FOXN3: variants seen among roughly 807,000 people sequenced by gnomAD.
FOXN3 encodes the protein forkhead box N3.
Under a neutral mutation model 38.4 loss-of-function variants are expected in FOXN3, and 7 were observed. The observed-to-expected ratio is 0.18, with a 90% CI of 0.10 to 0.34. FOXN3 has a LOEUF of 0.34. Among genes scored for constraint, FOXN3 ranks in the 10% least tolerant of loss-of-function variants. The pLI is 1.00. For missense variants in FOXN3, 456 were observed against 613.4 expected, an observed-to-expected ratio of 0.74 and a Z score of 2.71; for synonymous variants, 230 against 242.2, an observed-to-expected ratio of 0.95 and a Z score of 0.47.
At chr14:89,317,303 G>T (rs1170648229) in intron 3 of FOXN3, among the ~76,000 whole-genome samples, 1 of 152,174 alleles carries the variant, frequency 6.6e-6, no homozygotes, top group Non-Finnish European at 1.5e-5. Flanking sequence ...GCTCAGTGAT[G>T]CCAGCTTCAG....
At chr14:89,553,953 GA>G (rs890259425) in intron 1 of FOXN3, among the ~76,000 whole-genome samples, 120 of 151,490 alleles carry the variant, frequency 7.9e-4, no homozygotes, top group African/African-American at 2.9e-3. Context: ...AGGGTAGAAA[GA>G]AAAAAAAGAT....
At chr14:89,553,458 A>G (rs1895051873) in intron 1 of FOXN3, among the ~76,000 whole-genome samples, 1 of 152,032 alleles carries the variant, frequency 6.6e-6, no homozygotes, top group Admixed American at 6.6e-5. Context: ...GTGAAAAAAA[A>G]AAAAAGGGTA....
chr14:89,183,017 T>C (rs1431920771), intron 4 of FOXN3, among the ~76,000 whole-genome samples: 1 of 151,980 alleles, frequency 6.6e-6, no homozygotes, highest in Non-Finnish European at 1.5e-5. Context: ...CAGAAGAAAA[T>C]ATAGGAGGAA....
chr14:89,597,192 C>G (rs1344648875), intron 1 of FOXN3, among the ~76,000 whole-genome samples: 1 of 152,092 alleles, frequency 6.6e-6, no homozygotes, highest in Non-Finnish European at 1.5e-5. Flanking sequence ...CAAATATTTT[C>G]TACTTTCCAT....
intron 1 of FOXN3, among the ~76,000 whole-genome samples, chr14:89,438,450 C>T (rs946411990): frequency 1.3e-5 from 2 of 152,170 alleles, no homozygotes; most frequent in Admixed American, 1.3e-4. Flanking sequence ...TTTTTCTTAG[C>T]TATCAATAGT....
rs10581958 is a variant in FOXN3, at chr14:89,613,116, CAAAAAAAA to C, written c.-15+5904_-15+5911del. Among the ~76,000 whole-genome samples the C allele has an allele frequency of 2.0e-3, 150 of 74,598 alleles. 1 individual carries two copies. Among genetic ancestry groups the C allele is most frequent in the African/African-American group, 9.5e-3 (143 of 15,026 alleles). The allele number at this position is 74,598 out of a possible 152,430, so 48.9% of individuals were successfully genotyped here. On this transcript the variant is annotated intron_variant, in intron 1 of 6. Coordinates refer to the FOXN3 transcript ENST00000345097. ...TGGGCGACAGAGCAAGACTCTGTCTCAAAAAAAAAAAAAAAAAAAAAAAAACTCTTACA... is the reference window on the plus strand; with the variant it reads ...TGGGCGACAGAGCAAGACTCTGTCTCAAAAAAAAAAAAAAAAACTCTTACA...
chr14:89,339,869 C>CG (rs905247676), intron 3 of FOXN3, among the ~76,000 whole-genome samples: 45 of 152,308 alleles, frequency 3.0e-4, no homozygotes, highest in African/African-American at 1.1e-3. Flanking sequence ...GCCAGAACCC[C>CG]CACCTCCCAC....
chr14:89,359,321 T>C (rs1439141853), intron 2 of FOXN3, among the ~76,000 whole-genome samples: 1 of 149,306 alleles, frequency 6.7e-6, no homozygotes, highest in Non-Finnish European at 1.5e-5. Flanking sequence ...AAAAAAAAAA[T>C]CAGCTCTTGT....
intron 2 of FOXN3, among the ~76,000 whole-genome samples, chr14:89,377,213 A>G (rs2140062604): frequency 6.6e-6 from 1 of 151,920 alleles, no homozygotes; most frequent in African/African-American, 2.4e-5. Context: ...CGGTGTCATC[A>G]GAGGGGGAGA....
chr14:89,604,296 AAGC>A, intron 1 of FOXN3, among the ~76,000 whole-genome samples: 2 of 152,152 alleles, frequency 1.3e-5, no homozygotes, highest in African/African-American at 4.8e-5. Context: ...GAGAGAAACA[AAGC>A]ACCATGAACA....
chr14:89,210,295 C>T (rs1406263890), intron 4 of FOXN3, among the ~76,000 whole-genome samples: 2 of 152,140 alleles, frequency 1.3e-5, no homozygotes, highest in Non-Finnish European at 2.9e-5. Context: ...CGCCTGCCCC[C>T]GCCCCTCTCA....
At chr14:89,566,988 G>A (rs930824267) in intron 1 of FOXN3, among the ~76,000 whole-genome samples, 6 of 151,974 alleles carry the variant, frequency 3.9e-5, no homozygotes, top group African/African-American at 1.5e-4. Context: ...AGGAAAAATG[G>A]AAAGAGAAAG....
intron 3 of FOXN3, among the ~76,000 whole-genome samples, chr14:89,312,284 CAA>C (rs59949946): frequency 2.1e-4 from 13 of 60,592 alleles, no homozygotes; most frequent in South Asian, 7.2e-4. Context: ...GACTCGGTCT[CAA>C]AAAAAAAAAA....
At chr14:89,505,354 C>T (rs922739946) in intron 1 of FOXN3, among the ~76,000 whole-genome samples, 2 of 148,298 alleles carry the variant, frequency 1.3e-5, no homozygotes, top group Non-Finnish European at 3.0e-5. Flanking sequence ...GCTGCCATCT[C>T]GGCTCACTGC....
intron 2 of FOXN3, among the ~76,000 whole-genome samples, chr14:89,386,403 C>A (rs1049717238): frequency 2.6e-4 from 39 of 152,230 alleles, no homozygotes; most frequent in African/African-American, 8.2e-4. Context: ...GCCGCAGAGG[C>A]CTGCCCTGCA....
At chr14:89,259,942 A>G (rs1885743885) in intron 4 of FOXN3, among the ~76,000 whole-genome samples, 1 of 152,192 alleles carries the variant, frequency 6.6e-6, no homozygotes, top group African/African-American at 2.4e-5. Flanking sequence ...TTCTGAATCT[A>G]CTCTCAACCA....
intron 3 of FOXN3, among the ~76,000 whole-genome samples, chr14:89,288,305 G>T (rs1444488302): frequency 3.3e-5 from 5 of 152,044 alleles, no homozygotes; most frequent in African/African-American, 1.2e-4. Flanking sequence ...GATAAGAAAT[G>T]GAATTGCTCT....
At chr14:89,236,002 G>A (rs1374429957) in intron 4 of FOXN3, among the ~76,000 whole-genome samples, 3 of 152,234 alleles carry the variant, frequency 2.0e-5, no homozygotes, top group African/African-American at 7.2e-5. Flanking sequence ...TGTTTGGCCT[G>A]AGGTCACACA....
chr14:89,238,746 T>C (rs1044385171), intron 4 of FOXN3, among the ~76,000 whole-genome samples: 4 of 152,228 alleles, frequency 2.6e-5, no homozygotes, highest in African/African-American at 4.8e-5. Context: ...TTTCAGTTAG[T>C]GTATAGTGGG....
Sources: allele counts gnomAD v4.1 joint callset (sites outside exome capture counted in the v4.1 genomes callset), GRCh38; gene constraint gnomAD v4.1.1; transcripts MANE v1.5; gene names NCBI Gene and HGNC (gene_info 2026-07-23, HGNC 2026-07-21).